WDR75: variants seen among roughly 807,000 people sequenced by gnomAD.
WDR75 encodes the protein WD repeat domain 75.
A neutral mutation model predicts 106.1 loss-of-function variants in WDR75; 52 were observed. The ratio of observed to expected loss-of-function variants is 0.49; its 90% confidence interval spans 0.39 to 0.62. The LOEUF is 0.62. Ranked by LOEUF, WDR75 falls within the 20% of genes least tolerant of loss-of-function variation. The probability of loss-of-function intolerance (pLI) is 0.00; values close to 1 mark genes in which losing one functional copy is unlikely to be tolerated. For synonymous variants in WDR75, 333 were observed against 335.5 expected (o/e 0.99, Z 0.08); for missense variants, 905 against 970.3 (o/e 0.93, Z 0.89).
rs746990887 is a variant in WDR75 at position 189,469,347 on chromosome 2, A to C, written c.1727A>C (p.Glu576Ala). 7.4e-6 allele frequency: 12 copies of C among 1,611,720 alleles called. No individual in the cohort carries two copies. In the East Asian group the frequency reaches 2.7e-4, roughly 36 times the overall value. ...CCWNLLSCAL[E>A]WNAKLNVRVM... ...TCACCTTTGTTTTTCCCCTCAGTGG[A>C]GTGGAATGCAAAATTAAATGTTAGA... The change falls in exon 16 of 21, where the codon GAG becomes GCG. Residue 576 changes from glutamate (E) to alanine (A), a missense_variant. Coordinates refer to ENST00000314761, the MANE Select transcript of WDR75 (RefSeq NM_032168.3).
At chr2:189,459,799 A>G (rs1224957) in intron 8 of WDR75, among the ~76,000 whole-genome samples, 12 of 152,202 alleles carry the variant, frequency 7.9e-5, no homozygotes, top group African/African-American at 2.9e-4. Flanking sequence ...TGGCCGTAGG[A>G]AATGAGTGGC....
At position 189,459,206 on chromosome 2, in the gene WDR75, A is replaced by C. The variant is rs540876278; in HGVS notation, c.690-130A>C. On this transcript the variant is annotated intron_variant, in intron 7 of 20. Coordinates refer to ENST00000314761, the MANE Select transcript of WDR75 (RefSeq NM_032168.3). ...CTGGTTAGAAATAGAAAATGTGCAC[A>C]TTAAGACCAGAAGCCTTTATATTAT... 55 of 696,264 alleles carry C rather than the reference A, an allele frequency of 7.9e-5. No individual in the cohort carries two copies. The South Asian group carries it at 1.2e-3, about 15-fold the overall frequency. The allele number at this position is 696,264 out of a possible 1,614,324, so 43.1% of individuals were successfully genotyped here.
intron 1 of WDR75, among the ~76,000 whole-genome samples, chr2:189,447,107 A>C (rs1004797998): frequency 5.9e-5 from 9 of 152,216 alleles, no homozygotes; most frequent in Admixed American, 1.3e-4. Context: ...TAATATTTTC[A>C]GATTGATCTT....
intron 2 of WDR75, chr2:189,449,739 A>T (rs74967468): frequency 0.036 from 35,214 of 986,622 alleles, 677 homozygotes; most frequent in Admixed American, 0.05. Context: ...GTCCATATTT[A>T]TGATTCTCAT....
intron 4 of WDR75, among the ~76,000 whole-genome samples, chr2:189,453,004 C>A (rs13430496): frequency 0.06 from 9,194 of 152,046 alleles, 404 homozygotes; most frequent in African/African-American, 0.12. Flanking sequence ...TCTAAAAAGA[C>A]AAAAAGAAAG....
At chr2:189,469,251 C>T in intron 15 of WDR75, 93 bp from the exon 16 acceptor site, 1 of 920,060 alleles carries the variant, frequency 1.1e-6, no homozygotes, top group Non-Finnish European at 1.8e-6. Flanking sequence ...TAGTTGGAAG[C>T]ATAAGATTCC....
intron 18 of WDR75, among the ~76,000 whole-genome samples, chr2:189,472,762 T>TA (rs1687141502): frequency 6.6e-6 from 1 of 152,232 alleles, no homozygotes; most frequent in Non-Finnish European, 1.5e-5. Context: ...CAAATGTCAT[T>TA]ACAATTGACC....
rs920267434 is a variant in WDR75 at position 189,463,882 on chromosome 2, G to T, written c.1034G>T (p.Arg345Ile). The T allele has an allele frequency of 5.0e-6, 8 of 1,613,872 alleles. No homozygotes were observed. The highest frequency in any genetic ancestry group is 5.9e-6 in the Non-Finnish European group (7 of 1,179,844). ...TTCACTGGTTTGATGATTGATCCAAGAACTAAAGCTTTGGTTTTGAATGGA... is the reference window on the plus strand; with the variant it reads ...TTCACTGGTTTGATGATTGATCCAATAACTAAAGCTTTGGTTTTGAATGGA... ...SIFTGLMIDP[R>I]TKALVLNGKP... is the part of the protein sequence containing the mutation. The change falls in exon 11 of 21, where the codon AGA becomes ATA. Residue 345 changes from arginine (R) to isoleucine (I), a missense_variant. Coordinates refer to ENST00000314761, the MANE Select transcript of WDR75 (RefSeq NM_032168.3).
At chr2:189,462,726 C>G in intron 9 of WDR75, 84 bp downstream of exon 9, 1 of 1,330,462 alleles carries the variant, frequency 7.5e-7, no homozygotes, top group Non-Finnish European at 1.0e-6. Flanking sequence ...ATAAAGAGAC[C>G]TAAAACTAAG....
At chr2:189,451,743 T>G in intron 3 of WDR75, 62 bp from the exon 4 acceptor site, 17 of 1,443,768 alleles carry the variant, frequency 1.2e-5, no homozygotes, top group Non-Finnish European at 1.4e-5. Flanking sequence ...CCTGCCTTGA[T>G]GGATCTTATG....
intron 5 of WDR75, among the ~76,000 whole-genome samples, chr2:189,456,812 T>G (rs934658904): frequency 1.2e-4 from 19 of 152,212 alleles, no homozygotes; most frequent in Non-Finnish European, 2.5e-4. Flanking sequence ...AGGACCTAAG[T>G]TCATCTTTTA....
rs528043766 is a variant in WDR75 at position 189,462,395 on chromosome 2, G to A, written c.779-89G>A. The A allele has an allele frequency of 6.1e-4, 876 of 1,426,140 alleles. 8 individuals are homozygous for A. In the South Asian group the frequency reaches 8.7e-3, roughly 14 times the overall value. 88.3% of individuals were successfully genotyped at this position (1,426,140 alleles called of 1,614,324 possible). The stretch of plus-strand genomic sequence containing the variant: ...TTAAATGAGTTTATTTCTCTAGTAC[G>A]GTAGCAAAAACAAAAGTGTTAATTA... On this transcript the variant is annotated intron_variant, in intron 8 of 20. Coordinates refer to ENST00000314761, the MANE Select transcript of WDR75 (RefSeq NM_032168.3).
intron 12 of WDR75, among the ~76,000 whole-genome samples, chr2:189,465,867 A>G (rs1341150289): frequency 6.6e-6 from 1 of 152,136 alleles, no homozygotes; most frequent in African/African-American, 2.4e-5. Flanking sequence ...TCACAATCCT[A>G]TGCTGCCTTG....
Position 189,451,875 on chromosome 2 carries a change from T to C in WDR75, c.353T>C (p.Ile118Thr). Residue 118 changes from isoleucine (I) to threonine (T), a missense_variant, in exon 4 of 21, where the codon ATA (isoleucine) becomes ACA (threonine). By Grantham distance (89) the Ile-to-Thr change is moderately conservative (BLOSUM62 -1). Coordinates refer to ENST00000314761, the MANE Select transcript of WDR75 (RefSeq NM_032168.3). ...LAQAEDSVFV[I>T]VNKEKPDIFQ... is the part of the protein sequence containing the mutation. The stretch of plus-strand genomic sequence containing the variant: ...CAAGCTGAGGATTCTGTCTTTGTTA[T>C]AGTGAATAAAGAAAAACCAGGTATG... 14 of 1,613,330 alleles carry C rather than the reference T, an allele frequency of 8.7e-6. No homozygotes were observed. The highest frequency in any genetic ancestry group is 1.2e-5 in the Non-Finnish European group (14 of 1,179,572).
chr2:189,444,564 C>G (rs148631155), intron 1 of WDR75, among the ~76,000 whole-genome samples: 5,085 of 152,252 alleles, frequency 0.033, 126 homozygotes, highest in Non-Finnish European at 0.053. Flanking sequence ...TCCTAAATTG[C>G]CCACAAGCTA....
At chr2:189,449,562 A>G (rs75737730) in intron 2 of WDR75, 1 of 1,054,052 alleles carries the variant, frequency 9.5e-7, no homozygotes, top group East Asian at 7.4e-5. Flanking sequence ...CACAATTCAT[A>G]AAAGCTTTGT....
At chr2:189,459,885 A>G (rs916434737) in intron 8 of WDR75, among the ~76,000 whole-genome samples, 5 of 152,174 alleles carry the variant, frequency 3.3e-5, no homozygotes, top group African/African-American at 1.2e-4. Context: ...CATGGTGGGT[A>G]GGTGGGTTTG....
rs752988878 is a variant in WDR75 at position 189,474,783 on chromosome 2, T to C, written c.2263T>C (p.Leu755=). The part of the protein sequence containing the change: ...AFLCSMFVNS[L]LLSKETKSAK... The stretch of plus-strand genomic sequence containing the variant: ...CCTGTGCTCCATGTTTGTAAATTCA[T>C]TGCTGCTGTCTAAAGAGACTAAGAG... Residue 755 remains leucine, a synonymous_variant, in exon 20 of 21, where the codon TTG becomes CTG. Coordinates refer to ENST00000314761, the MANE Select transcript of WDR75 (RefSeq NM_032168.3). 2 of 1,613,920 alleles carry C rather than the reference T, an allele frequency of 1.2e-6. No homozygotes were observed. The highest frequency in any genetic ancestry group is 1.7e-5 in the Admixed American group (1 of 59,990).
intron 1 of WDR75, among the ~76,000 whole-genome samples, chr2:189,446,618 G>C (rs945061948): frequency 3.9e-5 from 6 of 152,160 alleles, no homozygotes; most frequent in African/African-American, 1.4e-4. Context: ...GGATAGTAGT[G>C]GTCCCAGTTT....
Sources: gnomAD v4.1 joint callset for allele counts (sites outside exome capture counted in the v4.1 genomes callset) on GRCh38, gnomAD v4.1.1 for gene constraint, MANE v1.5 for transcripts, NCBI Gene and HGNC (gene_info 2026-07-23, HGNC 2026-07-21) for gene names.